ADARB2: variants seen among roughly 807,000 people sequenced by gnomAD.
ADARB2 encodes inactive double-stranded RNA-specific editase B2.
In ADARB2, 25 loss-of-function variants were observed where a neutral mutation model predicts 62.2. That is an observed-to-expected ratio of 0.40 (90% CI 0.29 to 0.56). The LOEUF is 0.56. Among genes scored for constraint, ADARB2 ranks in the 20% least tolerant of loss-of-function variants. The pLI is 0.43. For synonymous variants in ADARB2, 572 were observed against 500.8 expected (o/e 1.14, Z -1.90); for missense variants, 1,071 against 1,077.4 (o/e 0.99, Z 0.08).
rs1364165797 is a variant in ADARB2 at position 1,260,983 on chromosome 10, C to G, written c.1192+9972G>C. Reference sequence around the variant, plus strand: ...TAGATCAATGGAACAGAACAGAGCCCTCAGAAATAACGCCGCATATCTACA... The same window carrying G: ...TAGATCAATGGAACAGAACAGAGCCGTCAGAAATAACGCCGCATATCTACA... On this transcript the variant is annotated intron_variant, in intron 4 of 9. Transcript: ENST00000381312. Among the ~76,000 whole-genome samples, 256 of 104,350 alleles carry G rather than the reference C, an allele frequency of 2.5e-3. 1 individual carries two copies. Among genetic ancestry groups the G allele is most frequent in the African/African-American group, 7.5e-3 (210 of 27,948 alleles). The allele number at this position is 104,350 out of a possible 152,430, so 68.5% of individuals were successfully genotyped here. A position where few individuals can be genotyped will look rare whatever the true frequency, so the allele number is the denominator to read the frequency against.
chr10:1,653,990 C>T (rs1412506755), intron 1 of ADARB2, among the ~76,000 whole-genome samples: 1 of 152,050 alleles, frequency 6.6e-6, no homozygotes, highest in Non-Finnish European at 1.5e-5. Context: ...GGGAGATGCC[C>T]CACAGCTGCC....
At chr10:1,396,705 C>A (rs1176600783) in intron 1 of ADARB2, among the ~76,000 whole-genome samples, 1 of 143,584 alleles carries the variant, frequency 7.0e-6, no homozygotes, top group African/African-American at 2.6e-5. Flanking sequence ...TCTCTCCCCT[C>A]CCGAGCGGAG....
At chr10:1,208,668 G>C (rs989729906) in intron 7 of ADARB2, among the ~76,000 whole-genome samples, 1 of 152,218 alleles carries the variant, frequency 6.6e-6, no homozygotes, top group African/African-American at 2.4e-5. Flanking sequence ...TTTCCTCTGG[G>C]CTGGTCTTAG....
At chr10:1,253,483 A>C (rs1831053243) in intron 4 of ADARB2, among the ~76,000 whole-genome samples, 1 of 152,224 alleles carries the variant, frequency 6.6e-6, no homozygotes, top group Admixed American at 6.5e-5. Flanking sequence ...GCTTGCTTTA[A>C]AGTATCAAGG....
intron 1 of ADARB2, among the ~76,000 whole-genome samples, chr10:1,735,560 A>G (rs1017715978): frequency 6.6e-6 from 1 of 152,266 alleles, no homozygotes; most frequent in Non-Finnish European, 1.5e-5. Flanking sequence ...TAAAAGTCAT[A>G]TTCATTATTC....
At chr10:1,638,858 G>A (rs763189731) in intron 1 of ADARB2, among the ~76,000 whole-genome samples, 5 of 152,130 alleles carry the variant, frequency 3.3e-5, no homozygotes, top group African/African-American at 9.7e-5. Flanking sequence ...ATGGTGTGTC[G>A]GGGGCTCACA....
intron 8 of ADARB2, among the ~76,000 whole-genome samples, chr10:1,195,263 A>G (rs1480407604): frequency 2.0e-5 from 3 of 152,146 alleles, no homozygotes; most frequent in African/African-American, 7.2e-5. Context: ...GGAGAATTGC[A>G]GGTGCCCCTG....
Position 1,271,050 on chromosome 10 carries a change from G to T in ADARB2, c.1097C>A (p.Ser366Tyr), listed in dbSNP as rs1333640327. 6.2e-7 allele frequency: 1 copy of T among 1,614,086 alleles called. No individual in the cohort carries two copies. The highest frequency in any genetic ancestry group is 2.2e-5 in the East Asian group (1 of 44,874). The change falls in exon 4 of 10, where the codon TCC becomes TAC. Residue 366 changes from serine (S) to tyrosine (Y), a missense_variant. Physicochemically the swap from Ser to Tyr is moderately radical, Grantham distance 144 (BLOSUM62 -2). Transcript: ENST00000381312. ...GCGGAACTTCTGTGTGACCAGCTGG[G>T]ATATGGAGTCTGCGAATTCCTGAAA... ...PMPQEFADSI[S>Y]QLVTQKFREV...
chr10:1,340,997 C>T (rs1156920028), intron 3 of ADARB2, among the ~76,000 whole-genome samples: 1 of 151,070 alleles, frequency 6.6e-6, no homozygotes, highest in Non-Finnish European at 1.5e-5. Context: ...CCAGCATCCA[C>T]CAGAGAACCC....
At chr10:1,702,668 C>A (rs913000963) in intron 1 of ADARB2, among the ~76,000 whole-genome samples, 1 of 152,228 alleles carries the variant, frequency 6.6e-6, no homozygotes, top group Non-Finnish European at 1.5e-5. Context: ...AGACCTTCTG[C>A]CCCCATTCCC....
In ADARB2 at chr10:1,561,654, C is replaced by G. The variant is rs181014018; in HGVS notation, c.100+175397G>C. On this transcript the variant is annotated intron_variant, in intron 1 of 9. Transcript: ENST00000381312. ...TCTCTCCACCTGGTCCCCCATGCAG[C>G]TGCTGGGCCTGATCCTGGATGCTGA... Among the ~76,000 whole-genome samples, 432 of 152,292 alleles carry G rather than the reference C, an allele frequency of 2.8e-3. 4 individuals are homozygous for G. Among genetic ancestry groups the G allele is most frequent in the Non-Finnish European group, 4.6e-3 (314 of 68,022 alleles).
chr10:1,349,819 A>G (rs1180759334), intron 3 of ADARB2, among the ~76,000 whole-genome samples: 2 of 152,042 alleles, frequency 1.3e-5, no homozygotes, highest in Non-Finnish European at 2.9e-5. Context: ...TTATTCATCC[A>G]TGTTCCACTG....
At chr10:1,308,497 A>G (rs765855619) in intron 3 of ADARB2, among the ~76,000 whole-genome samples, 53 of 152,366 alleles carry the variant, frequency 3.5e-4, no homozygotes, top group African/African-American at 7.7e-4. Flanking sequence ...CAAATTTTCA[A>G]TTCATCTGGG....
chr10:1,433,166 C>G (rs919840285), intron 1 of ADARB2, among the ~76,000 whole-genome samples: 1 of 152,116 alleles, frequency 6.6e-6, no homozygotes, highest in African/African-American at 2.4e-5. Context: ...AGGAGTCATG[C>G]AAGGAAAGGC....
At chr10:1,510,110 C>CTCTTTCTCTCTCTCTTTCTTTCTT (rs1554767638) in intron 1 of ADARB2, among the ~76,000 whole-genome samples, 1 of 106,184 alleles carries the variant, frequency 9.4e-6, no homozygotes, top group Admixed American at 1.1e-4. Flanking sequence ...CTTTCTTTCT[C>CTCTTTCTCTCTCTCTTTCTTTCTT]TCTTTCTTTC....
At chr10:1,581,971 A>G (rs989988622) in intron 1 of ADARB2, among the ~76,000 whole-genome samples, 11 of 152,016 alleles carry the variant, frequency 7.2e-5, no homozygotes, top group African/African-American at 2.7e-4. Context: ...CCCAGAGGCC[A>G]CTTCCCTACT....
At chr10:1,531,852 A>T (rs901911228) in intron 1 of ADARB2, among the ~76,000 whole-genome samples, 1 of 152,096 alleles carries the variant, frequency 6.6e-6, no homozygotes, top group Non-Finnish European at 1.5e-5. Context: ...AAAAGAAAAA[A>T]AAAATAGTGC....
At chr10:1,453,607 C>T (rs1436685269) in intron 1 of ADARB2, among the ~76,000 whole-genome samples, 1 of 152,076 alleles carries the variant, frequency 6.6e-6, no homozygotes, top group Non-Finnish European at 1.5e-5. Context: ...AGATCTGATA[C>T]GAATTGGTTT....
chr10:1,585,514 T>C lies in ADARB2; in HGVS notation c.100+151537A>G, dbSNP rs141118438. 5.6e-4 allele frequency among the ~76,000 whole-genome samples: 86 copies of C among 152,308 alleles called. 1 individual carries two copies. The highest frequency in any genetic ancestry group is 3.4e-3 in the Middle Eastern group (1 of 294). On this transcript the variant is annotated intron_variant, in intron 1 of 9. Transcript: ENST00000381312. ...CAAACATATATCTAATTGCTTCCTC[T>C]GCCCTATTGCTTATGTAACAATGCA...
Sources: gnomAD v4.1 joint callset for allele counts (sites outside exome capture counted in the v4.1 genomes callset) on GRCh38, gnomAD v4.1.1 for gene constraint, MANE v1.5 for transcripts, NCBI Gene and HGNC (gene_info 2026-07-23, HGNC 2026-07-21) for gene names.